Variants in RNF111 observed in about 807,000 individuals in gnomAD.
RNF111 encodes the protein ring finger protein 111.
RNF111 carries 17 observed loss-of-function variants against 95.1 expected under a neutral mutation model. The observed-to-expected ratio is 0.18, with a 90% CI of 0.12 to 0.27. RNF111 has a LOEUF of 0.27. Among genes scored for constraint, RNF111 ranks in the 10% least tolerant of loss-of-function variants. RNF111 has a pLI of 1.00. For synonymous variants in RNF111, 440 were observed against 414.8 expected, an observed-to-expected ratio of 1.06 and a Z score of -0.74; for missense variants, 1,189 against 1,210.4, an observed-to-expected ratio of 0.98 and a Z score of 0.26.
intron 2 of RNF111, among the ~76,000 whole-genome samples, chr15:59,051,531 T>G (rs188052206): frequency 1.3e-5 from 2 of 150,518 alleles, no homozygotes; most frequent in African/African-American, 2.4e-5. Flanking sequence ...ATCCCAGCAC[T>G]TTGGGAGGCT....
At chr15:59,021,453 T>A (rs1438815021) in intron 1 of RNF111, among the ~76,000 whole-genome samples, 1 of 152,118 alleles carries the variant, frequency 6.6e-6, no homozygotes, top group Non-Finnish European at 1.5e-5. Flanking sequence ...GCCTGGCCTA[T>A]GCCCTTCTGG....
intron 1 of RNF111, among the ~76,000 whole-genome samples, chr15:59,022,123 G>C: frequency 6.6e-6 from 1 of 152,122 alleles, no homozygotes; most frequent in East Asian, 1.9e-4. Flanking sequence ...GCCGCCCAAA[G>C]TGCTGGGATT....
chr15:59,015,715 CT>C (rs1164174962), intron 1 of RNF111, among the ~76,000 whole-genome samples: 1 of 151,382 alleles, frequency 6.6e-6, no homozygotes, highest in African/African-American at 2.4e-5. Context: ...AGTGAATATT[CT>C]TCGCCCACCG....
chr15:59,059,195 A>C (rs2042328906), intron 5 of RNF111, among the ~76,000 whole-genome samples: 1 of 152,208 alleles, frequency 6.6e-6, no homozygotes, highest in Non-Finnish European at 1.5e-5. Context: ...TTTTAAAATG[A>C]GAAAAGATTT....
intron 1 of RNF111, among the ~76,000 whole-genome samples, chr15:59,029,180 T>C (rs1228610935): frequency 1.3e-5 from 2 of 152,188 alleles, no homozygotes; most frequent in African/African-American, 4.8e-5. Context: ...GTTTTTTTTT[T>C]ATGCATCCTC....
intron 1 of RNF111, among the ~76,000 whole-genome samples, chr15:59,004,449 G>C (rs1224607904): frequency 6.6e-6 from 1 of 152,076 alleles, no homozygotes; most frequent in Admixed American, 6.6e-5. Flanking sequence ...GTTAGGAAAG[G>C]GTAGCACCTT....
intron 1 of RNF111, among the ~76,000 whole-genome samples, chr15:59,024,183 A>G (rs75786542): frequency 1.7e-4 from 26 of 152,270 alleles, no homozygotes; most frequent in Non-Finnish European, 2.4e-4. Flanking sequence ...TTTTGTTATT[A>G]TTATTCTCAT....
At chr15:59,036,957 A>G (rs1269467103) in intron 2 of RNF111, among the ~76,000 whole-genome samples, 1 of 150,724 alleles carries the variant, frequency 6.6e-6, no homozygotes, top group African/African-American at 2.4e-5. Flanking sequence ...CAGCCTCCCT[A>G]GTAGCTGGCA....
intron 2 of RNF111, among the ~76,000 whole-genome samples, chr15:59,052,079 T>G (rs2042011941): frequency 6.6e-6 from 1 of 152,132 alleles, no homozygotes; most frequent in African/African-American, 2.4e-5. Context: ...AACAAATCCA[T>G]AGAAGAGGAA....
rs569278691 is a variant in RNF111, at chr15:58,997,600, C to T, written c.-20+9532C>T. Reference sequence around the variant, plus strand: ...TTGGGAGGCTGAGGTGGCCACATCACGAGGTCAAGAGATCGAGACCATCCT... The same window carrying T: ...TTGGGAGGCTGAGGTGGCCACATCATGAGGTCAAGAGATCGAGACCATCCT... On this transcript the variant is annotated intron_variant, in intron 1 of 13. Coordinates refer to ENST00000348370, the MANE Select transcript of RNF111 (RefSeq NM_017610.8). 4.7e-4 allele frequency among the ~76,000 whole-genome samples: 71 copies of T among 151,632 alleles called. 1 individual carries two copies. The highest frequency in any genetic ancestry group is 1.7e-3 in the African/African-American group (69 of 41,368).
intron 3 of RNF111, among the ~76,000 whole-genome samples, chr15:59,053,155 C>G (rs921548512): frequency 6.6e-6 from 1 of 152,128 alleles, no homozygotes; most frequent in Non-Finnish European, 1.5e-5. Context: ...CTTTTTCCTT[C>G]ACTCAGTAAT....
intron 1 of RNF111, among the ~76,000 whole-genome samples, chr15:58,997,740 C>G (rs1359177390): frequency 6.7e-6 from 1 of 150,042 alleles, no homozygotes; most frequent in Non-Finnish European, 1.5e-5. Context: ...GGCTTGAACC[C>G]GGGAGGCAGA....
At chr15:59,065,438 T>C (rs2042614192) in intron 5 of RNF111, among the ~76,000 whole-genome samples, 1 of 152,152 alleles carries the variant, frequency 6.6e-6, no homozygotes, top group Non-Finnish European at 1.5e-5. Flanking sequence ...CTCATGTGTT[T>C]TATACTGAGA....
At chr15:59,010,157 G>A (rs1048797487) in intron 1 of RNF111, among the ~76,000 whole-genome samples, 13 of 152,088 alleles carry the variant, frequency 8.5e-5, no homozygotes, top group Non-Finnish European at 1.8e-4. Context: ...TTTTAATTGT[G>A]AACATTGTTT....
intron 1 of RNF111, among the ~76,000 whole-genome samples, chr15:58,989,104 C>T (rs992484317): frequency 6.6e-6 from 1 of 152,020 alleles, no homozygotes; most frequent in Non-Finnish European, 1.5e-5. Context: ...TTTGAGATTA[C>T]CATACACAAC....
chr15:59,002,449 G>T (rs942156686), intron 1 of RNF111, among the ~76,000 whole-genome samples: 6 of 151,982 alleles, frequency 3.9e-5, no homozygotes, highest in Non-Finnish European at 7.4e-5. Context: ...AAATCTGCAT[G>T]GTAAATACGG....
At chr15:59,067,140 T>C (rs1171659414) in intron 6 of RNF111, 57 bp downstream of exon 6, 4 of 1,332,536 alleles carry the variant, frequency 3.0e-6, no homozygotes, top group Non-Finnish European at 3.2e-6. Flanking sequence ...TCTCTCTCTC[T>C]CCTTCTCCCT....
At chr15:59,016,021 T>A (rs974614416) in intron 1 of RNF111, among the ~76,000 whole-genome samples, 1 of 151,226 alleles carries the variant, frequency 6.6e-6, no homozygotes, top group African/African-American at 2.4e-5. Context: ...TAGATAACTT[T>A]TGTATTTTTA....
At chr15:59,089,142 G>A (rs1230248577) in intron 10 of RNF111, among the ~76,000 whole-genome samples, 2 of 152,044 alleles carry the variant, frequency 1.3e-5, no homozygotes, top group East Asian at 1.9e-4. Context: ...TGATTATGGG[G>A]TTACAAGTAA....
Sources: gnomAD v4.1 joint callset for allele counts (sites outside exome capture counted in the v4.1 genomes callset) on GRCh38, gnomAD v4.1.1 for gene constraint, MANE v1.5 for transcripts, NCBI Gene and HGNC (gene_info 2026-07-23, HGNC 2026-07-21) for gene names.